Variants in APOC1 observed in about 807,000 individuals in gnomAD.
The protein encoded by APOC1 is apolipoprotein C1.
In APOC1, 4 loss-of-function variants were observed where a neutral mutation model predicts 6.7. The ratio of observed to expected loss-of-function variants is 0.60; its 90% CI spans 0.29 to 1.37. APOC1 has a LOEUF of 1.37. Ranked by LOEUF, APOC1 falls within the 40% of genes most tolerant of loss-of-function variation. APOC1 has a pLI of 0.09. For missense variants in APOC1, 122 were observed against 99.4 expected, an observed-to-expected ratio of 1.23 and a Z score of -0.97; for synonymous variants, 33 against 40.6, an observed-to-expected ratio of 0.81 and a Z score of 0.72.
chr19:44,917,400 C>T (rs1599962209), intron 3 of APOC1, among the ~76,000 whole-genome samples: 3 of 151,884 alleles, frequency 2.0e-5, no homozygotes, highest in African/African-American at 4.8e-5. Context: ...AGTGCGAGAA[C>T]CCCGTCCCTA....
intron 3 of APOC1, among the ~76,000 whole-genome samples, chr19:44,916,809 CAAAAAA>C (rs1160183813): frequency 2.2e-5 from 1 of 46,400 alleles, no homozygotes; most frequent in African/African-American, 1.1e-4. Flanking sequence ...GACTCTGTCT[CAAAAAA>C]AAAAAAAAAA....
chr19:44,915,135 G>C (rs1224709526), intron 2 of APOC1, 186 bp downstream of exon 2: 1 of 627,248 alleles, frequency 1.6e-6, no homozygotes, highest in Non-Finnish European at 2.8e-6. Context: ...CCAAATCTGC[G>C]CAGGAGAGCA....
chr19:44,915,936 TC>T (rs1283293763), intron 2 of APOC1, among the ~76,000 whole-genome samples: 1 of 151,232 alleles, frequency 6.6e-6, no homozygotes, highest in Non-Finnish European at 1.5e-5. Flanking sequence ...ACCACTGCAC[TC>T]CAGCCTGGCT....
chr19:44,918,903 C>G (rs12721051), intron 3 of APOC1: 74,585 of 468,836 alleles, frequency 0.16, 6,652 homozygotes, highest in Non-Finnish European at 0.18. Flanking sequence ...AAGTGATCAG[C>G]CTACCTCGGC....
chr19:44,917,717 A>C (rs1345044400), intron 3 of APOC1, among the ~76,000 whole-genome samples: 1 of 152,100 alleles, frequency 6.6e-6, no homozygotes, highest in Non-Finnish European at 1.5e-5. Context: ...AATGGCTCAC[A>C]CCTGTAATCC....
rs763308069 is a variant in APOC1, at chr19:44,914,999, G to T, written c.58+50G>T. 3.9e-6 allele frequency: 6 copies of T among 1,535,658 alleles called. No homozygotes were observed. In the Admixed American group the frequency reaches 7.0e-5, roughly 18 times the overall value. ...GGAGTTGGAGATTTGGAAGAGTGAA[G>T]GTGGCTACAGGCCTGGGGTCCCGGC... is the stretch of plus-strand genomic sequence containing the variant. On this transcript the variant is annotated intron_variant, in intron 2 of 3. Transcript: ENST00000592535.
Position 44,919,038 on chromosome 19 carries a change from G to C in APOC1, c.195-135G>C, listed in dbSNP as rs574585526. ...CAGAAGTTGGCCCACCCAGCCCAGC[G>C]GTCCTCCTAATCCCACAGACAGTGG... On this transcript the variant is annotated intron_variant, in intron 3 of 3. Transcript: ENST00000592535. 42 of 803,286 alleles carry C rather than the reference G, an allele frequency of 5.2e-5. No homozygotes were observed. In the East Asian group the frequency reaches 9.6e-4, roughly 18 times the overall value. The allele number at this position is 803,286 out of a possible 1,614,324, so 49.8% of individuals were successfully genotyped here.
chr19:44,914,996 G>A (rs773632653), intron 2 of APOC1, 47 bp downstream of exon 2: 23 of 1,552,202 alleles, frequency 1.5e-5, no homozygotes, highest in South Asian at 1.3e-4. Flanking sequence ...TTGGAAGAGT[G>A]AAGGTGGCTA....
In APOC1 at chr19:44,916,236, T is replaced by A; in HGVS notation, c.105T>A (p.Asp35Glu). 2 of 1,610,796 alleles carry A rather than the reference T, an allele frequency of 1.2e-6. No individual in the cohort carries two copies. The highest frequency in any genetic ancestry group is 3.3e-5 in the Admixed American group (2 of 59,756). Reference sequence around the variant, plus strand: ...CCCCAGACGTCTCCAGTGCCTTGGATAAGCTGAAGGAGTTTGGAAACACAC... The same window carrying A: ...CCCCAGACGTCTCCAGTGCCTTGGAAAAGCTGAAGGAGTTTGGAAACACAC... Reference protein sequence around the residue: ...QGTPDVSSALDKLKEFGNTLE... With the variant: ...QGTPDVSSALEKLKEFGNTLE... Residue 35 changes from aspartate to glutamate, a missense_variant, in exon 3 of 4, where the codon GAT becomes GAA. By Grantham distance (45) the Asp-to-Glu change is conservative. Coordinates refer to ENST00000592535, the MANE Select transcript of APOC1 (RefSeq NM_001645.5).
rs557351573 is a variant in APOC1, at chr19:44,917,590, A to C, written c.194+1265A>C. Among the ~76,000 whole-genome samples the C allele has an allele frequency of 7.6e-4, 116 of 151,824 alleles. No homozygotes were observed. The South Asian group carries it at 0.015, about 19-fold the overall frequency. On this transcript the variant is annotated intron_variant, in intron 3 of 3. Transcript: ENST00000592535. ...GAGACCCTGTCTCAACAAAAAAAGA[A>C]AAGAAAAGAGAAGAAAAGAGAAAAG...
chr19:44,914,928 G>C lies in APOC1; in HGVS notation c.37G>C (p.Val13Leu). The C allele has an allele frequency of 6.2e-7, 1 of 1,613,796 alleles. No individual in the cohort carries two copies. Among genetic ancestry groups the C allele is most frequent in the East Asian group, 2.2e-5 (1 of 44,880 alleles). The change falls in exon 2 of 4, where the codon GTT becomes CTT. Residue 13 changes from valine (V) to leucine (L), a missense_variant. By Grantham distance (32) the Val-to-Leu change is conservative. Transcript: ENST00000592535. ...LFLSLPVLVV[V>L]LSIVLEGPAP... ...CCTGTCGCTCCCGGTCCTGGTGGTG[G>C]TTCTGTCGATCGTCTTGGAAGGTAA...
upstream of APOC1, chr19:44,914,330 C>G (rs1318775520): frequency 6.5e-6 from 1 of 153,462 alleles, no homozygotes; most frequent in Non-Finnish European, 1.5e-5. Flanking sequence ...TCGGGGAGCT[C>G]GGCTCTTGAG....
rs1970006195 is a variant in APOC1 at position 44,916,259 on chromosome 19, C to T, written c.128C>T (p.Thr43Ile). Reference protein sequence around the residue: ...ALDKLKEFGNTLEDKARELIS... With the variant: ...ALDKLKEFGNILEDKARELIS... ...GATAAGCTGAAGGAGTTTGGAAACA[C>T]ACTGGAGGACAAGGCTCGGGAACTC... The change falls in exon 3 of 4, where the codon ACA (threonine) becomes ATA (isoleucine). Residue 43 changes from threonine (T) to isoleucine (I), a missense_variant. Transcript: ENST00000592535. 6.2e-7 allele frequency: 1 copy of T among 1,612,838 alleles called. No individual in the cohort carries two copies.
chr19:44,919,228 T>C lies in APOC1; in HGVS notation c.250T>C (p.Ter84ArgextTer5). ...KVKEKLKIDS[*>R] ...GAAGGAGAAACTCAAGATTGACTCA[T>C]GAGGACCTGAAGGGTGACATCCCAG... Residue 84 changes from the stop codon to arginine, a stop_lost, in exon 4 of 4, where the codon TGA (stop) becomes CGA (arginine). Coordinates refer to ENST00000592535, the MANE Select transcript of APOC1 (RefSeq NM_001645.5). 1 of 1,613,912 alleles carries C rather than the reference T, an allele frequency of 6.2e-7. No homozygotes were observed. The highest frequency in any genetic ancestry group is 2.2e-5 in the East Asian group (1 of 44,884).
rs756776924 is a variant in APOC1, at chr19:44,916,297, A to G, written c.166A>G (p.Lys56Glu). ...GGCTCGGGAACTCATCAGCCGCATCAAACAGAGTGAACTTTCTGCCAAGAT... is the reference window on the plus strand; with the variant it reads ...GGCTCGGGAACTCATCAGCCGCATCGAACAGAGTGAACTTTCTGCCAAGAT... ...DKARELISRI[K>E]QSELSAKMRE... The change falls in exon 3 of 4, where the codon AAA becomes GAA. Residue 56 changes from lysine (K) to glutamate (E), a missense_variant. Physicochemically the swap from Lys to Glu is moderately conservative, Grantham distance 56. Transcript: ENST00000592535. The G allele has an allele frequency of 1.9e-6, 3 of 1,614,062 alleles. No individual in the cohort carries two copies. The East Asian group carries it at 6.7e-5, about 36-fold the overall frequency.
chr19:44,915,359 T>A (rs955349157), intron 2 of APOC1: 3 of 158,028 alleles, frequency 1.9e-5, no homozygotes, highest in Admixed American at 1.9e-4. Flanking sequence ...AGTCTCGCTC[T>A]GTCGCCGAGG....
intron 3 of APOC1, among the ~76,000 whole-genome samples, chr19:44,916,770 A>G (rs182952634): frequency 6.8e-6 from 1 of 147,292 alleles, no homozygotes; most frequent in Admixed American, 7.0e-5. Context: ...CAGTGAGCCA[A>G]CATTGTGCCA....
chr19:44,916,418 C>A, intron 3 of APOC1, 93 bp downstream of exon 3: 3 of 1,511,146 alleles, frequency 2.0e-6, no homozygotes, highest in South Asian at 2.4e-5. Flanking sequence ...GAAAAAAAAA[C>A]AAGTCCTGGA....
rs1970061495 is a variant in APOC1 at position 44,919,308 on chromosome 19, T to G, written c.*78T>G. 7.6e-7 allele frequency: 1 copy of G among 1,307,516 alleles called. No homozygotes were observed. The highest frequency in any genetic ancestry group is 1.1e-6 in the Non-Finnish European group (1 of 909,318). The allele number at this position is 1,307,516 out of a possible 1,614,324, so 81.0% of individuals were successfully genotyped here. On this transcript the variant is annotated 3_prime_UTR_variant, in exon 4 of 4. Transcript: ENST00000592535. ...GCGCCTGTGCTGAGGACTCCCTCCA[T>G]GTGGCCCCAGGTGCCACCAATAAAA...
Sources: gnomAD v4.1 joint callset for allele counts (sites outside exome capture counted in the v4.1 genomes callset) on GRCh38, gnomAD v4.1.1 for gene constraint, MANE v1.5 for transcripts, NCBI Gene and HGNC (gene_info 2026-07-23, HGNC 2026-07-21) for gene names.